Variants in FAS observed in about 807,000 individuals in gnomAD.
The protein encoded by FAS is Fas cell surface death receptor, also known as tumor necrosis factor receptor superfamily member 6.
A neutral mutation model predicts 33.2 loss-of-function variants in FAS; 5 were observed. The observed-to-expected ratio is 0.15, with a 90% confidence interval of 0.08 to 0.32. The LOEUF is 0.32. Among genes scored for constraint, FAS ranks in the 10% least tolerant of loss-of-function variants. FAS has a pLI of 1.00. For missense variants in FAS, 339 were observed against 386.0 expected (o/e 0.88, Z 1.02); for synonymous variants, 131 against 130.7 (o/e 1.00, Z -0.01).
At chr10:88,990,583 G>A, upstream of FAS, 1 of 666,436 alleles carries the variant, frequency 1.5e-6, no homozygotes, top group South Asian at 1.5e-5. This position sits in a 1 kb window ranked among gnomAD's most constrained non-coding sequence, Gnocchi z 4.9. Flanking sequence ...CCCCAACCCG[G>A]GCGTTCCCCA....
chr10:88,979,535 TG>T (rs2133344204), intron 2 of FAS, among the ~76,000 whole-genome samples: 1 of 152,208 alleles, frequency 6.6e-6, no homozygotes, highest in African/African-American at 2.4e-5. Flanking sequence ...TAATGAAGTA[TG>T]GGGAAAGAGA....
intron 8 of FAS, 131 bp from the exon 9 acceptor site, chr10:89,013,988 A>G (rs1848659063): frequency 1.1e-6 from 1 of 880,906 alleles, no homozygotes; most frequent in Non-Finnish European, 1.7e-6. Flanking sequence ...GTATTCCCCT[A>G]GTCAGCTCTT....
chr10:89,003,738 A>G (rs1848065174), intron 2 of FAS, among the ~76,000 whole-genome samples: 1 of 152,256 alleles, frequency 6.6e-6, no homozygotes, highest in Non-Finnish European at 1.5e-5. Flanking sequence ...TTTGAAGGGC[A>G]AACTAATTTC....
intron 3 of FAS, 108 bp downstream of exon 3, chr10:89,007,945 C>G: frequency 1.9e-6 from 3 of 1,544,230 alleles, no homozygotes; most frequent in Non-Finnish European, 1.8e-6. Context: ...TGTTGACACA[C>G]AGGAAAGGGA....
chr10:88,988,315 C>T (rs1049260915), upstream of FAS, among the ~76,000 whole-genome samples: 1 of 151,784 alleles, frequency 6.6e-6, no homozygotes, highest in African/African-American at 2.4e-5. Flanking sequence ...TTAAAATCAA[C>T]TTATTGCAAT....
chr10:88,969,101 A>G (rs561858355), intron 1 of FAS, among the ~76,000 whole-genome samples: 46 of 151,966 alleles, frequency 3.0e-4, no homozygotes, highest in Non-Finnish European at 5.4e-4. Flanking sequence ...TTTCTCTCTT[A>G]TTAAATAATA....
intron 2 of FAS, among the ~76,000 whole-genome samples, chr10:88,977,317 A>G (rs1270213529): frequency 7.6e-6 from 1 of 131,228 alleles, no homozygotes; most frequent in African/African-American, 2.8e-5. Flanking sequence ...TAAGTCTTTA[A>G]TCCATCTTGA....
rs1297498303 is a variant in FAS, at chr10:89,011,100, C to T, written c.568+285C>T. On this transcript the variant is annotated intron_variant, in intron 6 of 8. Transcript: ENST00000652046. ...AATTGGCCAAAAATCAGAAGCAATT[C>T]TTCACTATTCATTGAGATCTCCCTA... 7 of 495,262 alleles carry T rather than the reference C, an allele frequency of 1.4e-5. No homozygotes were observed. In the East Asian group the frequency reaches 2.6e-4, roughly 18 times the overall value. 30.7% of individuals were successfully genotyped at this position (495,262 alleles called of 1,614,324 possible).
At chr10:88,993,200 C>A (rs186035382) in intron 1 of FAS, among the ~76,000 whole-genome samples, 1 of 151,878 alleles carries the variant, frequency 6.6e-6, no homozygotes, top group Non-Finnish European at 1.5e-5. Flanking sequence ...CCGACACTTA[C>A]AATAAAAAAG....
At chr10:88,989,377 A>T, upstream of FAS, 1 of 324,914 alleles carries the variant, frequency 3.1e-6, no homozygotes, top group Non-Finnish European at 6.2e-6. Context: ...TTCATTTTGG[A>T]ATAGTTTTAG....
Position 88,990,902 on chromosome 10 carries a change from C to T in FAS, c.26C>T (p.Pro9Leu). MLGIWTLL[P>L]LVLTSVARLS... ...ATGCTGGGCATCTGGACCCTCCTAC[C>T]TCTGGTGAGCCCTCTCCTGCCCGGG... Residue 9 changes from proline to leucine, a missense_variant, in exon 1 of 9, where the codon CCT becomes CTT. Pro to Leu is a moderately conservative substitution (Grantham distance 98). Around this residue, in one of 3 missense-constraint regions of FAS, gnomAD observed 276 missense variants for 300.1 expected, o/e 0.92. Coordinates refer to ENST00000652046, the MANE Select transcript of FAS (RefSeq NM_000043.6). This position sits in a 1 kb window ranked among gnomAD's most constrained non-coding sequence, Gnocchi z 4.9. The T allele has an allele frequency of 6.2e-7, 1 of 1,614,228 alleles. No individual in the cohort carries two copies. The highest frequency in any genetic ancestry group is 8.5e-7 in the Non-Finnish European group (1 of 1,180,040).
At chr10:88,985,968 T>C (rs1052424508), upstream of FAS, among the ~76,000 whole-genome samples, 2 of 152,380 alleles carry the variant, frequency 1.3e-5, no homozygotes, top group African/African-American at 4.8e-5. Flanking sequence ...TTTATTTTTA[T>C]GGATACCTTC....
intron 2 of FAS, among the ~76,000 whole-genome samples, chr10:88,977,464 A>C (rs573837020): frequency 9.9e-5 from 15 of 152,252 alleles, no homozygotes; most frequent in Non-Finnish European, 1.8e-4. Context: ...GTCAAAGATC[A>C]GATAGTTGTA....
At chr10:88,999,845 T>C (rs1847828207) in intron 1 of FAS, among the ~76,000 whole-genome samples, 1 of 152,208 alleles carries the variant, frequency 6.6e-6, no homozygotes, top group Non-Finnish European at 1.5e-5. Context: ...AGGGTGTGGT[T>C]AATAAAGTAC....
chr10:89,002,009 T>C (rs1847957459), intron 1 of FAS, among the ~76,000 whole-genome samples: 1 of 152,176 alleles, frequency 6.6e-6, no homozygotes, highest in African/African-American at 2.4e-5. Flanking sequence ...GCAAGAGCCC[T>C]GGCTTTAGGG....
At position 89,016,499 on chromosome 10, in the gene FAS, G is replaced by A. The variant is rs911299830; in HGVS notation, c.*2049G>A. On this transcript the variant is annotated 3_prime_UTR_variant, in exon 9 of 9. Coordinates refer to ENST00000652046, the MANE Select transcript of FAS (RefSeq NM_000043.6). ...AGAGAACACCCTATTCCACTTTGGT[G>A]AACTCAGAGCAAGAACTTTGAGTTC... 4.4e-6 allele frequency: 1 copy of A among 225,882 alleles called. No individual in the cohort carries two copies. Among genetic ancestry groups the A allele is most frequent in the Admixed American group, 5.7e-5 (1 of 17,502 alleles). The allele number at this position is 225,882 out of a possible 1,614,324, so 14.0% of individuals were successfully genotyped here.
chr10:88,968,427 T>G (rs1846361202), intron 1 of FAS, among the ~76,000 whole-genome samples: 1 of 152,118 alleles, frequency 6.6e-6, no homozygotes, highest in African/African-American at 2.4e-5. Flanking sequence ...ATGTTTGTTT[T>G]CCTGAATCCA....
rs547637684 is a variant in FAS, at chr10:88,995,726, C to G, written c.30+4820C>G. Reference sequence around the variant, plus strand: ...CTGTTATCTCAGCTACTCGGGAGGTCGCGGCAGGAGAATCACTGGAACCTG... The same window carrying G: ...CTGTTATCTCAGCTACTCGGGAGGTGGCGGCAGGAGAATCACTGGAACCTG... On this transcript the variant is annotated intron_variant, in intron 1 of 8. Coordinates refer to ENST00000652046, the MANE Select transcript of FAS (RefSeq NM_000043.6). Among the ~76,000 whole-genome samples the G allele has an allele frequency of 2.0e-5, 3 of 151,950 alleles. No homozygotes were observed. The East Asian group carries it at 5.8e-4, about 29-fold the overall frequency.
At chr10:88,986,971 T>C (rs770355790), upstream of FAS, among the ~76,000 whole-genome samples, 1 of 152,238 alleles carries the variant, frequency 6.6e-6, no homozygotes, top group Non-Finnish European at 1.5e-5. Context: ...CTGTAGGAAA[T>C]AATATGTTCT....
Sources: gnomAD v4.1 joint callset for allele counts (sites outside exome capture counted in the v4.1 genomes callset) on GRCh38, gnomAD v4.1.1 for gene constraint, gnomAD v4.1.1 regional missense constraint, Gnocchi (gnomAD v3.1) non-coding constraint, MANE v1.5 for transcripts, NCBI Gene and HGNC (gene_info 2026-07-23, HGNC 2026-07-21) for gene names.